Variants in DNAJC17 observed in about 807,000 individuals in gnomAD.
DNAJC17 encodes dnaJ homolog subfamily C member 17.
In DNAJC17, 35 loss-of-function variants were observed where a neutral mutation model predicts 48.1. That is an observed-to-expected ratio of 0.73 (90% CI 0.56 to 0.96). The LOEUF is 0.96. Among genes scored for constraint, DNAJC17 ranks in the 50% least tolerant of loss-of-function variants. The pLI, the probability that DNAJC17 is intolerant of heterozygous loss-of-function variation, is 0.00. For missense variants in DNAJC17, 355 were observed against 377.1 expected (o/e 0.94, Z 0.48); for synonymous variants, 117 against 142.7 (o/e 0.82, Z 1.28).
At chr15:40,774,043 G>A (rs1006508381) in intron 9 of DNAJC17, among the ~76,000 whole-genome samples, 1 of 152,206 alleles carries the variant, frequency 6.6e-6, no homozygotes, top group Non-Finnish European at 1.5e-5. Context: ...GGGAGGCGAG[G>A]AGCACAAAGG....
intron 1 of DNAJC17, among the ~76,000 whole-genome samples, chr15:40,783,898 A>T (rs142684864): frequency 1.3e-5 from 2 of 152,196 alleles, no homozygotes; most frequent in East Asian, 3.9e-4. Flanking sequence ...GTTCCTTGTT[A>T]TAAATCTGAG....
chr15:40,785,197 T>C (rs1409180197), intron 1 of DNAJC17, among the ~76,000 whole-genome samples: 2 of 152,162 alleles, frequency 1.3e-5, no homozygotes, highest in Non-Finnish European at 2.9e-5. Context: ...TATTAAATAA[T>C]CCTACCTTAT....
chr15:40,785,161 A>G (rs1889608682), intron 1 of DNAJC17, among the ~76,000 whole-genome samples: 2 of 152,128 alleles, frequency 1.3e-5, no homozygotes, highest in South Asian at 4.1e-4. Context: ...ATCCCCGAAA[A>G]AGCTTCCAGT....
Position 40,804,771 on chromosome 15 carries a change from G to A in DNAJC17, c.78+2598C>T, listed in dbSNP as rs565224753. Among the ~76,000 whole-genome samples, 4 of 152,312 alleles carry A rather than the reference G, an allele frequency of 2.6e-5. No homozygotes were observed. In the South Asian group the frequency reaches 6.2e-4, roughly 24 times the overall value. ...AATCCCAGCACTTTGGGAGGCCAAG[G>A]CCGGCAGATCACTTGAGGTCAGGAG... On this transcript the variant is annotated intron_variant, in intron 1 of 10. Transcript: ENST00000220496.
intron 1 of DNAJC17, among the ~76,000 whole-genome samples, chr15:40,787,290 C>T (rs547936182): frequency 2.0e-4 from 30 of 152,320 alleles, no homozygotes; most frequent in Non-Finnish European, 3.8e-4. Flanking sequence ...GAACAGTGAA[C>T]AGCACCTGGC....
In DNAJC17 at chr15:40,768,026, C is replaced by G. The variant is rs769832240; in HGVS notation, c.829G>C (p.Val277Leu). 3 of 1,596,394 alleles carry G rather than the reference C, an allele frequency of 1.9e-6. No individual in the cohort carries two copies. The highest frequency in any genetic ancestry group is 2.2e-5 in the East Asian group (1 of 44,776). ...GCCGCCTGGCGCATGCGCATCATGA[C>G]GAGGCTCTCGTAGTCCCTCTCTGAC... ...VLSERDYESLVMMRMRQAAER... is the reference protein window; with the variant it reads ...VLSERDYESLLMMRMRQAAER... Residue 277 changes from valine to leucine, a missense_variant, in exon 11 of 11, where the codon GTC (valine) becomes CTC (leucine). Around this residue, in one of 3 missense-constraint regions of DNAJC17, gnomAD observed 88 missense variants for 67.7 expected, o/e 1.30. Coordinates refer to ENST00000220496, the MANE Select transcript of DNAJC17 (RefSeq NM_018163.3).
At chr15:40,792,395 G>A (rs72735634) in intron 1 of DNAJC17, 1 of 902,738 alleles carries the variant, frequency 1.1e-6, no homozygotes, top group Non-Finnish European at 1.3e-6. Flanking sequence ...CTTAAGCTTT[G>A]AGTCTTGAAA....
chr15:40,768,186 G>T, intron 10 of DNAJC17, 124 bp from the exon 11 acceptor site: 1 of 1,297,636 alleles, frequency 7.7e-7, no homozygotes, highest in Non-Finnish European at 1.0e-6. Flanking sequence ...GCAGAGGAAG[G>T]GAAGGAACCC....
intron 1 of DNAJC17, among the ~76,000 whole-genome samples, chr15:40,795,800 G>A (rs1438083747): frequency 6.6e-6 from 1 of 152,166 alleles, no homozygotes; most frequent in Non-Finnish European, 1.5e-5. Context: ...GCTGAGGCAG[G>A]AGAATCGCTT....
chr15:40,776,485 C>A, intron 5 of DNAJC17, 57 bp downstream of exon 5: 1 of 1,597,064 alleles, frequency 6.3e-7, no homozygotes, highest in South Asian at 1.1e-5. Flanking sequence ...CAGGTCCATC[C>A]TCCCCCACCT....
At chr15:40,775,908 C>T (rs556498971) in intron 6 of DNAJC17, among the ~76,000 whole-genome samples, 4 of 152,156 alleles carry the variant, frequency 2.6e-5, no homozygotes. Context: ...CACAAAGTGT[C>T]CCAGGGCCCC....
rs745754620 is a variant in DNAJC17 at position 40,767,413 on chromosome 15, C to T, written c.*527G>A. On this transcript the variant is annotated 3_prime_UTR_variant, in exon 11 of 11. Transcript: ENST00000220496. The stretch of plus-strand genomic sequence containing the variant: ...AGGGGCTGCTGTGGGCCCTGACCTC[C>T]AAGCTCCTGCCTCACCGTCTGCCTT... The T allele has an allele frequency of 4.7e-5, 71 of 1,498,080 alleles. No individual in the cohort carries two copies. The highest frequency in any genetic ancestry group is 6.1e-5 in the Non-Finnish European group (68 of 1,117,428). 92.8% of individuals were successfully genotyped at this position (1,498,080 alleles called of 1,614,324 possible). A position where few individuals can be genotyped will look rare whatever the true frequency, so the allele number is the denominator to read the frequency against.
chr15:40,777,535 G>A (rs1220536278), intron 4 of DNAJC17, among the ~76,000 whole-genome samples: 1 of 151,930 alleles, frequency 6.6e-6, no homozygotes, highest in Admixed American at 6.6e-5. Context: ...CCTGGCCAAT[G>A]TGGCAAAACT....
Position 40,767,121 on chromosome 15 carries a change from G to C in DNAJC17, c.*819C>G. 1 of 1,220,972 alleles carries C rather than the reference G, an allele frequency of 8.2e-7. No individual in the cohort carries two copies. The highest frequency in any genetic ancestry group is 1.1e-6 in the Non-Finnish European group (1 of 916,986). The allele number at this position is 1,220,972 out of a possible 1,614,324, so 75.6% of individuals were successfully genotyped here. ...AGCGCCCAGCAAGCAGCCAGCAAGT[G>C]TGAGTCACTACAAGAGTGGCCAGGC... On this transcript the variant is annotated 3_prime_UTR_variant, in exon 11 of 11. Coordinates refer to ENST00000220496, the MANE Select transcript of DNAJC17 (RefSeq NM_018163.3).
intron 1 of DNAJC17, among the ~76,000 whole-genome samples, chr15:40,796,389 G>A (rs1280199554): frequency 6.6e-6 from 1 of 152,164 alleles, no homozygotes; most frequent in Non-Finnish European, 1.5e-5. Context: ...AGGTAGTCAG[G>A]AAAAGCCTCT....
chr15:40,804,569 C>T (rs1374156786), intron 1 of DNAJC17, among the ~76,000 whole-genome samples: 1 of 152,002 alleles, frequency 6.6e-6, no homozygotes, highest in African/African-American at 2.4e-5. Context: ...GCATTCCAGC[C>T]TGAATGACAG....
At chr15:40,794,712 A>AATTT (rs1197831781) in intron 1 of DNAJC17, among the ~76,000 whole-genome samples, 1 of 152,044 alleles carries the variant, frequency 6.6e-6, no homozygotes, top group Admixed American at 6.6e-5. Context: ...CTCTTTATTA[A>AATTT]ATTTATTTAT....
intron 1 of DNAJC17, among the ~76,000 whole-genome samples, chr15:40,802,745 G>A (rs1256178532): frequency 1.3e-5 from 2 of 152,142 alleles, no homozygotes; most frequent in Non-Finnish European, 2.9e-5. Context: ...CCGAGCTGCA[G>A]TTTCGCCATC....
At chr15:40,794,559 C>G (rs1889900151) in intron 1 of DNAJC17, among the ~76,000 whole-genome samples, 1 of 152,038 alleles carries the variant, frequency 6.6e-6, no homozygotes, top group African/African-American at 2.4e-5. Flanking sequence ...GTAAGCCGAG[C>G]TACTCAGGAG....
Sources: gnomAD v4.1 joint callset for allele counts (sites outside exome capture counted in the v4.1 genomes callset) on GRCh38, gnomAD v4.1.1 for gene constraint, gnomAD v4.1.1 regional missense constraint, MANE v1.5 for transcripts, NCBI Gene and HGNC (gene_info 2026-07-23, HGNC 2026-07-21) for gene names.